Variants in SOBP observed in about 807,000 individuals in gnomAD.
SOBP encodes sine oculis-binding protein homolog.
In SOBP, 4 loss-of-function variants were observed where a neutral mutation model predicts 53.6. The ratio of observed to expected loss-of-function variants is 0.07; its 90% CI spans 0.04 to 0.17. SOBP has a LOEUF of 0.17. SOBP is among the 10% of genes least tolerant of loss of function. The pLI is 1.00. For missense variants in SOBP, 1,088 were observed against 1,204.7 expected (o/e 0.90, Z 1.43); for synonymous variants, 584 against 522.6 (o/e 1.12, Z -1.60).
chr6:107,506,595 A>G (rs1056540336), intron 3 of SOBP, among the ~76,000 whole-genome samples, 168 bp downstream of exon 3: 1 of 152,248 alleles, frequency 6.6e-6, no homozygotes, highest in Non-Finnish European at 1.5e-5. Flanking sequence ...CTGTTACATT[A>G]GGAAAATTTC....
chr6:107,624,880 CAG>C (rs1583284836), intron 5 of SOBP, among the ~76,000 whole-genome samples: 1 of 152,174 alleles, frequency 6.6e-6, no homozygotes, highest in Non-Finnish European at 1.5e-5. Context: ...AATTTCAAAA[CAG>C]AAAGTTATTG....
intron 5 of SOBP, among the ~76,000 whole-genome samples, chr6:107,594,457 A>C (rs774298754): frequency 6.6e-6 from 1 of 152,136 alleles, no homozygotes; most frequent in Non-Finnish European, 1.5e-5. Flanking sequence ...GGACGGCACA[A>C]AGATAATTCT....
chr6:107,526,331 C>T (rs1783662232), intron 3 of SOBP, among the ~76,000 whole-genome samples: 2 of 152,220 alleles, frequency 1.3e-5, no homozygotes, highest in African/African-American at 4.8e-5. Flanking sequence ...CCCCCTATGC[C>T]AAAATGACAT....
In SOBP at chr6:107,635,122, C is replaced by T. The variant is rs200782843; in HGVS notation, c.2278C>T (p.Pro760Ser). 3.9e-5 allele frequency: 63 copies of T among 1,612,562 alleles called. 1 individual carries two copies. The Admixed American group carries it at 5.5e-4, about 14-fold the overall frequency. The stretch of plus-strand genomic sequence containing the variant: ...CGCGCCCCCCAAGAAGCTGCTGTCG[C>T]CTGAGGAACCGGCGGTGAGCGAGCT... ...PPAPPKKLLS[P>S]EEPAVSELES... is the part of the protein sequence containing the mutation. The change falls in exon 6 of 7, where the codon CCT (proline) becomes TCT (serine). Residue 760 changes from proline (P) to serine (S), a missense_variant. Physicochemically the swap from Pro to Ser is moderately conservative, Grantham distance 74. This residue lies in a region of SOBP where 665 missense variants were observed against 629.7 expected (regional missense o/e 1.06). Coordinates refer to ENST00000317357, the MANE Select transcript of SOBP (RefSeq NM_018013.4). This position sits in a 1 kb window ranked among gnomAD's most constrained non-coding sequence, Gnocchi z 4.5.
intron 4 of SOBP, among the ~76,000 whole-genome samples, chr6:107,586,574 C>T (rs1460979983): frequency 1.3e-5 from 2 of 150,828 alleles, no homozygotes; most frequent in Admixed American, 1.3e-4. Context: ...ACCAGATCAT[C>T]GCTCCTTTTA....
At chr6:107,575,021 T>C (rs1489678712) in intron 4 of SOBP, among the ~76,000 whole-genome samples, 2 of 152,220 alleles carry the variant, frequency 1.3e-5, no homozygotes, top group Non-Finnish European at 2.9e-5. Flanking sequence ...ATTGTCACCA[T>C]GCTGCTTCTG....
chr6:107,518,969 C>G (rs951146813), intron 3 of SOBP, among the ~76,000 whole-genome samples: 20 of 151,872 alleles, frequency 1.3e-4, no homozygotes, highest in African/African-American at 4.8e-4. Context: ...CTCATCATTC[C>G]TTATTATTAA....
At chr6:107,586,192 A>G (rs1583240759) in intron 4 of SOBP, among the ~76,000 whole-genome samples, 1 of 152,218 alleles carries the variant, frequency 6.6e-6, no homozygotes, top group South Asian at 2.1e-4. Flanking sequence ...TATGCAAGCC[A>G]TATGTGAGGG....
At position 107,561,671 on chromosome 6, in the gene SOBP, C is replaced by A. The variant is rs528457238; in HGVS notation, c.574-25409C>A. Among the ~76,000 whole-genome samples the A allele has an allele frequency of 6.6e-5, 10 of 152,248 alleles. 1 individual carries two copies. In the South Asian group the frequency reaches 2.1e-3, roughly 32 times the overall value. ...TCAGATTCCTTGTCAGGTGAAGAAG[C>A]CTTTTGTTTCTGTTTAGTTTTCTGA... On this transcript the variant is annotated intron_variant, in intron 4 of 6. Transcript: ENST00000317357.
chr6:107,651,331 T>C (rs1027469032), intron 6 of SOBP, among the ~76,000 whole-genome samples: 36 of 152,214 alleles, frequency 2.4e-4, no homozygotes, highest in African/African-American at 7.2e-4. Flanking sequence ...AACAGCCTTA[T>C]TGCTGATATA....
At chr6:107,596,378 G>T (rs966705497) in intron 5 of SOBP, among the ~76,000 whole-genome samples, 4 of 151,980 alleles carry the variant, frequency 2.6e-5, no homozygotes, top group African/African-American at 7.3e-5. Context: ...TTTGATGAAT[G>T]AATATATGCA....
At position 107,634,793 on chromosome 6, in the gene SOBP, A is replaced by G. The variant is rs1360798910; in HGVS notation, c.1949A>G (p.Gln650Arg). 2 of 1,398,698 alleles carry G rather than the reference A, an allele frequency of 1.4e-6. No individual in the cohort carries two copies. Among genetic ancestry groups the G allele is most frequent in the East Asian group, 3.3e-5 (1 of 30,418 alleles). 86.6% of individuals were successfully genotyped at this position (1,398,698 alleles called of 1,614,324 possible). Reference sequence around the variant, plus strand: ...TTCCCAGGCGTGCTGCAGGGCCCGCAGGACGGCGTCATCGACCTGACCGTG... The same window carrying G: ...TTCCCAGGCGTGCTGCAGGGCCCGCGGGACGGCGTCATCGACCTGACCGTG... Reference protein sequence around the residue: ...LGFPGVLQGPQDGVIDLTVGH... With the variant: ...LGFPGVLQGPRDGVIDLTVGH... Residue 650 changes from glutamine (Q) to arginine (R), a missense_variant, in exon 6 of 7, where the codon CAG becomes CGG. This residue lies in a region of SOBP where 665 missense variants were observed against 629.7 expected (regional missense o/e 1.06). Coordinates refer to ENST00000317357, the MANE Select transcript of SOBP (RefSeq NM_018013.4). This position sits in a 1 kb window ranked among gnomAD's most constrained non-coding sequence, Gnocchi z 4.5.
chr6:107,496,432 A>G (rs1447431192), intron 1 of SOBP, among the ~76,000 whole-genome samples: 1 of 152,234 alleles, frequency 6.6e-6, no homozygotes, highest in East Asian at 1.9e-4. Context: ...CATACATTTT[A>G]TATGCAGAAC....
intron 3 of SOBP, among the ~76,000 whole-genome samples, chr6:107,516,528 C>G (rs766170417): frequency 6.6e-6 from 1 of 150,522 alleles, no homozygotes; most frequent in Non-Finnish European, 1.5e-5. Flanking sequence ...CACTTCTGTA[C>G]CGGAAATTAA....
chr6:107,607,906 TAG>T (rs1786447182), intron 5 of SOBP, among the ~76,000 whole-genome samples: 1 of 152,184 alleles, frequency 6.6e-6, no homozygotes, highest in Non-Finnish European at 1.5e-5. Flanking sequence ...GGGCCAGCTC[TAG>T]AGAGAGGTGA....
At chr6:107,495,242 G>A (rs1782669723) in intron 1 of SOBP, among the ~76,000 whole-genome samples, 1 of 152,196 alleles carries the variant, frequency 6.6e-6, no homozygotes, top group South Asian at 2.1e-4. Flanking sequence ...CCTCTTGGGA[G>A]CAGGTATAAG....
chr6:107,529,482 C>T (rs1469247940), intron 3 of SOBP: 3 of 985,248 alleles, frequency 3.0e-6, no homozygotes, highest in South Asian at 4.7e-5. Flanking sequence ...AGATAGATGT[C>T]CCAGCAAATA....
Position 107,635,207 on chromosome 6 carries a change from A to C in SOBP, c.2363A>C (p.Lys788Thr). Residue 788 changes from lysine to threonine, a missense_variant, in exon 6 of 7, where the codon AAA becomes ACA. Lys to Thr is a moderately conservative substitution (Grantham distance 78). Coordinates refer to ENST00000317357, the MANE Select transcript of SOBP (RefSeq NM_018013.4). The surrounding 1 kb of genome is among the most constrained non-coding windows in gnomAD (Gnocchi z 4.5). ...TGCCACCTGGACGGGGAGGCGGCCA[A>C]AAAGCTGATGGGCGAGGAGGCCCTG... ...SNCHLDGEAA[K>T]KLMGEEALAG... is the part of the protein sequence containing the mutation. 1 of 1,613,858 alleles carries C rather than the reference A, an allele frequency of 6.2e-7. No individual in the cohort carries two copies. Among genetic ancestry groups the C allele is most frequent in the East Asian group, 2.2e-5 (1 of 44,834 alleles).
At chr6:107,638,852 C>T (rs917378828) in intron 6 of SOBP, among the ~76,000 whole-genome samples, 26 of 152,046 alleles carry the variant, frequency 1.7e-4, no homozygotes, top group Admixed American at 1.6e-3. Flanking sequence ...TCATTCTTCT[C>T]ACTATGTCTG....
Sources: allele counts gnomAD v4.1 joint callset (sites outside exome capture counted in the v4.1 genomes callset), GRCh38; gene constraint gnomAD v4.1.1; regional missense constraint gnomAD v4.1.1; non-coding constraint Gnocchi (gnomAD v3.1); transcripts MANE v1.5; gene names NCBI Gene and HGNC (gene_info 2026-07-23, HGNC 2026-07-21).